Variants in ACSS3 observed in about 807,000 individuals in gnomAD.
ACSS3 encodes the protein acyl-CoA synthetase short chain family member 3.
ACSS3 carries 64 observed loss-of-function variants against 84.2 expected under a neutral mutation model. The ratio of observed to expected loss-of-function variants is 0.76; its 90% confidence interval spans 0.62 to 0.94. The LOEUF is 0.94. ACSS3 is among the 40% of genes least tolerant of loss of function. The pLI is 0.00. For synonymous variants in ACSS3, 317 were observed against 310.1 expected, an observed-to-expected ratio of 1.02 and a Z score of -0.23; for missense variants, 815 against 867.6, an observed-to-expected ratio of 0.94 and a Z score of 0.76.
intron 1 of ACSS3, among the ~76,000 whole-genome samples, chr12:81,083,099 G>C (rs896057021): frequency 1.3e-5 from 2 of 152,184 alleles, no homozygotes; most frequent in African/African-American, 4.8e-5. Flanking sequence ...GTCCTTAGAG[G>C]ATAGTTATAG....
chr12:81,192,755 T>C (rs1440915438), intron 8 of ACSS3, among the ~76,000 whole-genome samples: 3 of 152,196 alleles, frequency 2.0e-5, no homozygotes, highest in Non-Finnish European at 4.4e-5. Context: ...ATAGTTTTTG[T>C]TCAGTTTCTC....
intron 5 of ACSS3, 61 bp downstream of exon 5, chr12:81,143,308 T>A (rs1454276064): frequency 1.2e-5 from 16 of 1,391,126 alleles, no homozygotes; most frequent in Middle Eastern, 3.7e-4. Context: ...CCAAGAATGT[T>A]TGATCACTGA....
At chr12:81,212,622 G>C (rs895358613) in intron 9 of ACSS3, among the ~76,000 whole-genome samples, 1 of 152,094 alleles carries the variant, frequency 6.6e-6, no homozygotes. Context: ...CTGTAGTCTT[G>C]TAGTAGTGGG....
intron 9 of ACSS3, chr12:81,199,746 G>A (rs1176477859): frequency 3.3e-6 from 4 of 1,214,398 alleles, no homozygotes; most frequent in Non-Finnish European, 4.4e-6. Context: ...CCTTTGAAGT[G>A]TCTGTTGGGT....
rs757737632 is a variant in ACSS3 at position 81,233,421 on chromosome 12, G to A, written c.1669G>A (p.Asp557Asn). 3.1e-6 allele frequency: 5 copies of A among 1,611,196 alleles called. No homozygotes were observed. Among genetic ancestry groups the A allele is most frequent in the Non-Finnish European group, 4.2e-6 (5 of 1,178,016 alleles). Residue 557 changes from aspartate (D) to asparagine (N), a missense_variant, in exon 13 of 16, where the codon GAT (aspartate) becomes AAT (asparagine). Asp to Asn is a conservative substitution (Grantham distance 23). Coordinates refer to ENST00000548058, the MANE Select transcript of ACSS3 (RefSeq NM_024560.4). ...TTTGTATGTTATGTCTCGAGTGGAT[G>A]ATGTAATAAATGTTGCAGGTCACAG... ...GYLYVMSRVD[D>N]VINVAGHRIS... is the part of the protein sequence containing the mutation.
intron 3 of ACSS3, among the ~76,000 whole-genome samples, chr12:81,136,208 A>G (rs1885792017): frequency 6.6e-6 from 1 of 152,172 alleles, no homozygotes; most frequent in Non-Finnish European, 1.5e-5. Flanking sequence ...GGCATATAGT[A>G]CACATTTAAA....
chr12:81,235,469 C>G (rs979110502), intron 13 of ACSS3, among the ~76,000 whole-genome samples: 1 of 151,142 alleles, frequency 6.6e-6, no homozygotes, highest in Non-Finnish European at 1.5e-5. Context: ...TATACTAGTT[C>G]CTTTAGGTAT....
intron 4 of ACSS3, among the ~76,000 whole-genome samples, chr12:81,142,721 TAAA>T (rs1163022465): frequency 1.3e-5 from 2 of 152,100 alleles, no homozygotes; most frequent in African/African-American, 4.8e-5. Flanking sequence ...AAATGCAAAA[TAAA>T]ATAAATAGGC....
At chr12:81,244,139 A>G (rs537639228) in intron 13 of ACSS3, among the ~76,000 whole-genome samples, 1 of 152,270 alleles carries the variant, frequency 6.6e-6, no homozygotes, top group African/African-American at 2.4e-5. Context: ...TCTAGAATTA[A>G]TGGTGCTTTT....
Position 81,165,052 on chromosome 12 carries a change from T to C in ACSS3, c.1099-9736T>C, listed in dbSNP as rs547856553. ...TCAGCTATTACTCTGATTCAGGCTATATAATTTGATCTTCCCAATTGGAAA... is the reference window on the plus strand; with the variant it reads ...TCAGCTATTACTCTGATTCAGGCTACATAATTTGATCTTCCCAATTGGAAA... On this transcript the variant is annotated intron_variant, in intron 7 of 15. Coordinates refer to ENST00000548058, the MANE Select transcript of ACSS3 (RefSeq NM_024560.4). Among the ~76,000 whole-genome samples, 34 of 152,362 alleles carry C rather than the reference T, an allele frequency of 2.2e-4. No individual in the cohort carries two copies. In the South Asian group the frequency reaches 7.0e-3, roughly 32 times the overall value.
intron 2 of ACSS3, among the ~76,000 whole-genome samples, chr12:81,110,049 C>G (rs1187983977): frequency 6.6e-6 from 1 of 152,210 alleles, no homozygotes; most frequent in Non-Finnish European, 1.5e-5. Context: ...AGTCTTCTAA[C>G]TGCCTTCCCT....
chr12:81,259,682 A>T lies in ACSS3; in HGVS notation c.*4760A>T. ...CCATCTAAAATATACAATGGATAGCATTAGTTCACTGAAAAGTCCCAGACT... is the reference window on the plus strand; with the variant it reads ...CCATCTAAAATATACAATGGATAGCTTTAGTTCACTGAAAAGTCCCAGACT... On this transcript the variant is annotated 3_prime_UTR_variant, in exon 16 of 16. Coordinates refer to ENST00000548058, the MANE Select transcript of ACSS3 (RefSeq NM_024560.4). The T allele has an allele frequency of 6.5e-7, 1 of 1,532,924 alleles. No homozygotes were observed. The highest frequency in any genetic ancestry group is 8.7e-7 in the Non-Finnish European group (1 of 1,144,328). 95.0% of individuals were successfully genotyped at this position (1,532,924 alleles called of 1,614,324 possible).
chr12:81,250,251 A>G (rs954654924), intron 13 of ACSS3, among the ~76,000 whole-genome samples: 6 of 152,098 alleles, frequency 3.9e-5, no homozygotes, highest in Non-Finnish European at 5.9e-5. Flanking sequence ...ATCACTTGGC[A>G]TGCAAATAAT....
At chr12:81,205,336 G>A (rs771405934) in intron 9 of ACSS3, among the ~76,000 whole-genome samples, 5 of 152,114 alleles carry the variant, frequency 3.3e-5, no homozygotes, top group Non-Finnish European at 5.9e-5. Context: ...ATTCCTGACA[G>A]TAGACAACTG....
intron 13 of ACSS3, among the ~76,000 whole-genome samples, chr12:81,242,751 C>G (rs1593235952): frequency 7.1e-6 from 1 of 140,706 alleles, no homozygotes; most frequent in Non-Finnish European, 1.6e-5. Flanking sequence ...GAACCAAAGA[C>G]AAAAACCACA....
chr12:81,160,253 A>G (rs1046294279), intron 7 of ACSS3, among the ~76,000 whole-genome samples: 1 of 152,204 alleles, frequency 6.6e-6, no homozygotes, highest in Non-Finnish European at 1.5e-5. Flanking sequence ...CTCATTTTAC[A>G]TTTGTTTGTA....
At chr12:81,148,897 TAAAAAAAA>T (rs397851051) in intron 5 of ACSS3, among the ~76,000 whole-genome samples, 1 of 81,832 alleles carries the variant, frequency 1.2e-5, no homozygotes, top group African/African-American at 5.1e-5. Context: ...CTGCCTCTAC[TAAAAAAAA>T]AAAAAAAAAA....
chr12:81,140,539 C>T (rs1387665153), intron 4 of ACSS3, among the ~76,000 whole-genome samples: 4 of 152,164 alleles, frequency 2.6e-5, no homozygotes, highest in South Asian at 2.1e-4. Flanking sequence ...TTGATTACCA[C>T]CTAGCAATTC....
rs1365673813 is a variant in ACSS3, at chr12:81,242,905, C to T, written c.1719+9434C>T. On this transcript the variant is annotated intron_variant, in intron 13 of 15. Coordinates refer to ENST00000548058, the MANE Select transcript of ACSS3 (RefSeq NM_024560.4). ...TGACAAACCCACAGCCAATATAATA[C>T]TGAATGGGCAAAAACTGGAAGCATT... 2.6e-5 allele frequency among the ~76,000 whole-genome samples: 4 copies of T among 152,102 alleles called. No individual in the cohort carries two copies. The South Asian group carries it at 6.2e-4, about 24-fold the overall frequency.
Sources: allele counts gnomAD v4.1 joint callset (sites outside exome capture counted in the v4.1 genomes callset), GRCh38; gene constraint gnomAD v4.1.1; transcripts MANE v1.5; gene names NCBI Gene and HGNC (gene_info 2026-07-23, HGNC 2026-07-21).